Variants in LINGO1 observed in about 807,000 individuals in gnomAD.
LINGO1 encodes leucine-rich repeat and immunoglobulin-like domain-containing nogo receptor-interacting protein 1.
A neutral mutation model predicts 37.3 loss-of-function variants in LINGO1; 11 were observed. The observed-to-expected ratio is 0.29, with a 90% CI of 0.19 to 0.49. The LOEUF (loss-of-function observed/expected upper bound fraction) is 0.49, where lower values mean the gene tolerates loss of function less well. Among genes scored for constraint, LINGO1 ranks in the 20% least tolerant of loss-of-function variants. The pLI, the probability that LINGO1 is intolerant of heterozygous loss-of-function variation, is 0.99. For missense variants in LINGO1, 585 were observed against 878.2 expected, an observed-to-expected ratio of 0.67 and a Z score of 4.22; for synonymous variants, 387 against 403.0, an observed-to-expected ratio of 0.96 and a Z score of 0.48.
intron 1 of LINGO1, among the ~76,000 whole-genome samples, chr15:77,774,445 A>G (rs767466147): frequency 2.6e-5 from 4 of 152,054 alleles, no homozygotes; most frequent in Non-Finnish European, 5.9e-5. Flanking sequence ...AGACACCACA[A>G]GCAGCGGGGC....
At chr15:77,817,108 C>T (rs886082077) in intron 1 of LINGO1, among the ~76,000 whole-genome samples, 2 of 152,218 alleles carry the variant, frequency 1.3e-5, no homozygotes, top group African/African-American at 2.4e-5. Flanking sequence ...AGGAGGCCAC[C>T]GCCAGGATCC....
At chr15:77,617,438 T>A (rs1315722984) in intron 1 of LINGO1, among the ~76,000 whole-genome samples, 2 of 152,142 alleles carry the variant, frequency 1.3e-5, no homozygotes, top group African/African-American at 4.8e-5. Flanking sequence ...TAAAGACCCA[T>A]CCCTGCTCCT....
intron 1 of LINGO1, among the ~76,000 whole-genome samples, chr15:77,737,455 G>A (rs62007782): frequency 0.18 from 27,769 of 152,008 alleles, 3,051 homozygotes; most frequent in Middle Eastern, 0.26. Flanking sequence ...GGGAGGAAGG[G>A]GAGGAAGGAG....
At chr15:77,628,812 G>T (rs1380093360) in intron 1 of LINGO1, among the ~76,000 whole-genome samples, 1 of 152,154 alleles carries the variant, frequency 6.6e-6, no homozygotes, top group Non-Finnish European at 1.5e-5. Flanking sequence ...AGACTGAACC[G>T]CAGGCTTGCA....
intron 2 of LINGO1, among the ~76,000 whole-genome samples, chr15:77,730,529 C>T (rs1210922172): frequency 1.3e-5 from 2 of 152,210 alleles, no homozygotes; most frequent in East Asian, 3.9e-4. Flanking sequence ...GCCCCGTACC[C>T]GTCTGTGCCG....
At chr15:77,695,858 C>T (rs1017688485) in intron 1 of LINGO1, 1 of 151,792 alleles carries the variant, frequency 6.6e-6, no homozygotes, top group African/African-American at 2.4e-5. Flanking sequence ...AGCCTTTCCA[C>T]TGAACATTTT....
intron 1 of LINGO1, among the ~76,000 whole-genome samples, chr15:77,781,945 A>G (rs928896606): frequency 4.6e-5 from 7 of 152,186 alleles, no homozygotes; most frequent in East Asian, 3.9e-4. Flanking sequence ...GAGGCCCCGC[A>G]TGGGAAGGCA....
At chr15:77,685,199 G>C (rs2075486058) in intron 2 of LINGO1, among the ~76,000 whole-genome samples, 1 of 152,074 alleles carries the variant, frequency 6.6e-6, no homozygotes, top group Non-Finnish European at 1.5e-5. Flanking sequence ...AAACACGGAG[G>C]AGGAGCTGTG....
chr15:77,648,230 C>T (rs1421486385), intron 3 of LINGO1: 3 of 292,568 alleles, frequency 1.0e-5, no homozygotes, highest in Admixed American at 4.8e-5. Context: ...GCACCGGCTG[C>T]GTTCCAGGCA....
Position 77,614,984 on chromosome 15 carries a change from T to C in LINGO1, c.923A>G (p.His308Arg), listed in dbSNP as rs1449954383. The C allele has an allele frequency of 1.2e-6, 2 of 1,613,962 alleles. No homozygotes were observed. Among genetic ancestry groups the C allele is most frequent in the Admixed American group, 1.7e-5 (1 of 60,018 alleles). The change falls in exon 2 of 2, where the codon CAT (histidine) becomes CGT (arginine). Residue 308 changes from histidine to arginine, a missense_variant. His to Arg is a conservative substitution (Grantham distance 29). Transcript: ENST00000355300. ...PISTIEGSML[H>R]ELLRLQEIQL... ...GATCTCCTGCAGCCGGAGCAGCTCA[T>C]GCAACATGGAGCCCTCAATGGTGCT...
chr15:77,792,942 C>A (rs766155811), intron 2 of LINGO1, among the ~76,000 whole-genome samples: 2 of 152,334 alleles, frequency 1.3e-5, no homozygotes, highest in Admixed American at 1.3e-4. Flanking sequence ...CTGGGGCCAA[C>A]AGATGTGCAC....
chr15:77,690,202 C>T (rs141074080), intron 2 of LINGO1, among the ~76,000 whole-genome samples: 225 of 152,242 alleles, frequency 1.5e-3, no homozygotes, highest in East Asian at 7.7e-3. Context: ...AAGGACAGAC[C>T]CTGACCCCCA....
chr15:77,690,408 C>A (rs1197161441), intron 2 of LINGO1, among the ~76,000 whole-genome samples: 1 of 152,196 alleles, frequency 6.6e-6, no homozygotes, highest in Non-Finnish European at 1.5e-5. Flanking sequence ...CCAAATGCCA[C>A]TAAGCATGGA....
At chr15:77,803,741 C>T (rs1358417618) in intron 1 of LINGO1, among the ~76,000 whole-genome samples, 2 of 152,110 alleles carry the variant, frequency 1.3e-5, no homozygotes, top group African/African-American at 4.8e-5. Context: ...CTGTGAAGTG[C>T]CTGTTCCCGC....
chr15:77,803,970 C>T (rs1052656858), intron 1 of LINGO1, among the ~76,000 whole-genome samples: 3 of 152,186 alleles, frequency 2.0e-5, no homozygotes, highest in Non-Finnish European at 4.4e-5. Flanking sequence ...CTTCTTAAGG[C>T]AGCAGGGTAG....
chr15:77,781,784 C>T (rs1296367019), intron 1 of LINGO1, among the ~76,000 whole-genome samples: 2 of 152,212 alleles, frequency 1.3e-5, no homozygotes, highest in Non-Finnish European at 2.9e-5. Flanking sequence ...GGGGAGCTGC[C>T]GGTGTTTTCT....
chr15:77,619,221 T>C (rs990600733), intron 1 of LINGO1, among the ~76,000 whole-genome samples: 2 of 152,148 alleles, frequency 1.3e-5, no homozygotes, highest in African/African-American at 2.4e-5. Context: ...AGTATGTCTG[T>C]AGCTCAGAGT....
chr15:77,688,973 T>A (rs2075557490), intron 2 of LINGO1, among the ~76,000 whole-genome samples: 1 of 152,128 alleles, frequency 6.6e-6, no homozygotes, highest in Non-Finnish European at 1.5e-5. Context: ...TGGTCTTTCA[T>A]CTGTGAAAAG....
intron 1 of LINGO1, among the ~76,000 whole-genome samples, chr15:77,813,892 A>C (rs1327609876): frequency 6.6e-6 from 1 of 152,080 alleles, no homozygotes; most frequent in East Asian, 1.9e-4. Context: ...CGCCCTCCCC[A>C]CCCTGCCCCA....
Sources: gnomAD v4.1 joint callset for allele counts (sites outside exome capture counted in the v4.1 genomes callset) on GRCh38, gnomAD v4.1.1 for gene constraint, MANE v1.5 for transcripts, NCBI Gene and HGNC (gene_info 2026-07-23, HGNC 2026-07-21) for gene names.